Variants in DTNA observed in about 807,000 individuals in gnomAD.
DTNA encodes the protein dystrophin-related protein 3.
Under a neutral mutation model 100.7 loss-of-function variants are expected in DTNA, and 43 were observed. The observed-to-expected ratio is 0.43, with a 90% confidence interval of 0.33 to 0.55. The LOEUF (loss-of-function observed/expected upper bound fraction) is 0.55, where lower values mean the gene tolerates loss of function less well. Among genes scored for constraint, DTNA ranks in the 20% least tolerant of loss-of-function variants. The pLI is 0.04. For synonymous variants in DTNA, 349 were observed against 347.9 expected (o/e 1.00, Z -0.04); for missense variants, 798 against 953.9 (o/e 0.84, Z 2.15).
chr18:34,574,678 G>A (rs1237646758), intron 1 of DTNA, among the ~76,000 whole-genome samples: 1 of 152,112 alleles, frequency 6.6e-6, no homozygotes. Flanking sequence ...TTCCAGGCTG[G>A]AATGCAGTAA....
At chr18:34,771,424 G>A (rs1042682852) in intron 3 of DTNA, among the ~76,000 whole-genome samples, 8 of 151,784 alleles carry the variant, frequency 5.3e-5, no homozygotes, top group Non-Finnish European at 7.3e-5. Flanking sequence ...GCATGAACCC[G>A]GGGAGGTGGA....
Position 34,611,182 on chromosome 18 carries a change from A to T in DTNA, c.-2+117668A>T, listed in dbSNP as rs550523484. Among the ~76,000 whole-genome samples the T allele has an allele frequency of 1.4e-4, 22 of 152,338 alleles. No individual in the cohort carries two copies. In the South Asian group the frequency reaches 4.6e-3, roughly 32 times the overall value. The stretch of plus-strand genomic sequence containing the variant: ...TAGATCTAAACTCCCACAAAAAAAA[A>T]TTCTCTTGGATCTTAACAATTCTTG... On this transcript the variant is annotated intron_variant, in intron 1 of 19. Coordinates refer to the DTNA transcript ENST00000283365.
intron 1 of DTNA, among the ~76,000 whole-genome samples, chr18:34,559,268 A>T (rs1395197565): frequency 6.6e-6 from 1 of 152,198 alleles, no homozygotes; most frequent in African/African-American, 2.4e-5. Context: ...AAAATTCAAA[A>T]CTCACAGTTG....
chr18:34,859,389 T>TA (rs1469549312), intron 16 of DTNA, among the ~76,000 whole-genome samples: 1 of 152,264 alleles, frequency 6.6e-6, no homozygotes, highest in African/African-American at 2.4e-5. Context: ...GAGCCCTAGT[T>TA]ACAGAGTTTT....
intron 1 of DTNA, among the ~76,000 whole-genome samples, chr18:34,698,036 G>A (rs769515757): frequency 1.3e-5 from 2 of 152,144 alleles, no homozygotes; most frequent in Non-Finnish European, 2.9e-5. Context: ...TTCACACAAT[G>A]CGTCATCTGC....
At chr18:34,787,314 C>G (rs560742590) in intron 3 of DTNA, among the ~76,000 whole-genome samples, 1 of 152,268 alleles carries the variant, frequency 6.6e-6, no homozygotes, top group South Asian at 2.1e-4. Flanking sequence ...CTTTTCCACT[C>G]TTTTATATTT....
intron 11 of DTNA, among the ~76,000 whole-genome samples, chr18:34,832,537 G>T (rs1229519764): frequency 2.0e-5 from 3 of 152,080 alleles, no homozygotes; most frequent in Middle Eastern, 3.2e-3. Context: ...AGGCTCTCCT[G>T]ACAAAAGTGC....
chr18:34,718,869 A>G (rs1357678062), intron 1 of DTNA, among the ~76,000 whole-genome samples: 1 of 152,240 alleles, frequency 6.6e-6, no homozygotes, highest in Non-Finnish European at 1.5e-5. Context: ...ACAGCAGGAC[A>G]GAGAGGAGCA....
intron 17 of DTNA, among the ~76,000 whole-genome samples, chr18:34,871,055 T>A (rs1321226242): frequency 6.6e-6 from 1 of 152,218 alleles, no homozygotes. Flanking sequence ...TTGCTGCACC[T>A]TCCCAAGCTG....
upstream of DTNA, chr18:34,708,156 C>G (rs1301036577): frequency 2.6e-5 from 4 of 152,092 alleles, no homozygotes; most frequent in African/African-American, 9.7e-5. Context: ...TTTCCTATAC[C>G]ATTGGCTTTG....
In DTNA at chr18:34,532,279, T is replaced by C. The variant is rs145639619; in HGVS notation, c.-2+38765T>C. The stretch of plus-strand genomic sequence containing the variant: ...TAGAGGTGGGAGCATTTAACCTGTT[T>C]TTTGAAAAATAATAATGGGGAAGAA... On this transcript the variant is annotated intron_variant, in intron 1 of 19. Coordinates refer to the DTNA transcript ENST00000283365. Among the ~76,000 whole-genome samples the C allele has an allele frequency of 7.9e-5, 12 of 152,262 alleles. No individual in the cohort carries two copies. The East Asian group carries it at 2.3e-3, about 29-fold the overall frequency.
At chr18:34,694,120 AG>A in intron 1 of DTNA, among the ~76,000 whole-genome samples, 1 of 150,248 alleles carries the variant, frequency 6.7e-6, no homozygotes, top group South Asian at 2.1e-4. Flanking sequence ...ATAAATATAC[AG>A]TATTTTAGAA....
At chr18:34,842,573 A>G (rs2096288810) in intron 13 of DTNA, among the ~76,000 whole-genome samples, 1 of 152,052 alleles carries the variant, frequency 6.6e-6, no homozygotes, top group Non-Finnish European at 1.5e-5. Flanking sequence ...TCTCCCATTC[A>G]ATCACTACAT....
intron 1 of DTNA, among the ~76,000 whole-genome samples, chr18:34,515,397 C>T (rs959906942): frequency 2.6e-5 from 4 of 152,016 alleles, no homozygotes; most frequent in Admixed American, 6.6e-5. Context: ...AATACTATTA[C>T]AATGCAAAAG....
At chr18:34,878,186 T>C (rs2096837533) in intron 19 of DTNA, among the ~76,000 whole-genome samples, 1 of 152,118 alleles carries the variant, frequency 6.6e-6, no homozygotes, top group African/African-American at 2.4e-5. Flanking sequence ...CTATGTTGCC[T>C]AGGCTGGTCT....
intron 1 of DTNA, among the ~76,000 whole-genome samples, chr18:34,535,344 TC>T (rs1272101231): frequency 1.3e-5 from 2 of 152,140 alleles, no homozygotes; most frequent in Non-Finnish European, 2.9e-5. Context: ...GATTGTTTTT[TC>T]TTGTAAATTT....
chr18:34,660,205 GC>G (rs1281667381), intron 1 of DTNA, among the ~76,000 whole-genome samples: 1 of 151,892 alleles, frequency 6.6e-6, no homozygotes, highest in East Asian at 1.9e-4. Context: ...AAAATTCTAA[GC>G]CCCCCAACCA....
intron 1 of DTNA, among the ~76,000 whole-genome samples, chr18:34,525,400 C>T (rs2042523406): frequency 6.6e-6 from 1 of 152,114 alleles, no homozygotes; most frequent in Non-Finnish European, 1.5e-5. Context: ...ACTGTCTTTC[C>T]TCCAGCTTTA....
At chr18:34,854,317 C>T (rs1484592240) in intron 15 of DTNA, among the ~76,000 whole-genome samples, 1 of 152,164 alleles carries the variant, frequency 6.6e-6, no homozygotes, top group Non-Finnish European at 1.5e-5. Flanking sequence ...CGGTTGATAA[C>T]CTCAGCAAAT....
Sources: gnomAD v4.1 joint callset for allele counts (sites outside exome capture counted in the v4.1 genomes callset) on GRCh38, gnomAD v4.1.1 for gene constraint, MANE v1.5 for transcripts, NCBI Gene and HGNC (gene_info 2026-07-23, HGNC 2026-07-21) for gene names.